The following CLEC2A variants were observed in gnomAD, a reference collection of about 807,000 sequenced individuals.
The protein encoded by CLEC2A is keratinocyte-associated C-type lectin.
In CLEC2A, 19 loss-of-function variants were observed where a neutral mutation model predicts 18.6. That is an observed-to-expected ratio of 1.02 (90% CI 0.71 to 1.50). CLEC2A has a LOEUF of 1.50. CLEC2A is among the 40% of genes most tolerant of loss of function. The probability of loss-of-function intolerance (pLI) is 0.00; values close to 1 mark genes in which losing one functional copy is unlikely to be tolerated. For synonymous variants in CLEC2A, 74 were observed against 64.0 expected (o/e 1.16, Z -0.75); for missense variants, 190 against 207.9 (o/e 0.91, Z 0.53).
chr12:9,932,337 C>T lies in CLEC2A; in HGVS notation c.-8G>A, dbSNP rs1311603993. On this transcript the variant is annotated 5_prime_UTR_variant, in exon 1 of 5. Transcript: ENST00000455827. ...CAGCTCTGGATTAATCATGGCAAGG[C>T]GCTAACCGATGGAGATCAGTAGGAG... 4.5e-6 allele frequency: 7 copies of T among 1,551,754 alleles called. No homozygotes were observed. Among genetic ancestry groups the T allele is most frequent in the East Asian group, 2.4e-5 (1 of 40,914 alleles).
chr12:9,906,246 T>C (rs1862906787), intron 4 of CLEC2A, among the ~76,000 whole-genome samples: 1 of 152,152 alleles, frequency 6.6e-6, no homozygotes. Flanking sequence ...GCTCATATTT[T>C]GATTAATTTT....
intron 1 of CLEC2A, among the ~76,000 whole-genome samples, chr12:9,930,835 G>T: frequency 6.6e-6 from 1 of 150,644 alleles, no homozygotes; most frequent in Non-Finnish European, 1.5e-5. Context: ...TTTTCTAACT[G>T]TTTTCTTTTC....
chr12:9,892,290 A>G, the CLEC2A span, among the ~76,000 whole-genome samples: 1 of 152,364 alleles, frequency 6.6e-6, no homozygotes, highest in East Asian at 1.9e-4. Flanking sequence ...GCACAGGAGA[A>G]TAAGTACCCA....
At chr12:9,887,374 TC>T in the CLEC2A span, among the ~76,000 whole-genome samples, 13 of 152,250 alleles carry the variant, frequency 8.5e-5, no homozygotes, top group East Asian at 1.4e-3. Context: ...TAATTAGTTT[TC>T]CCCCAAAGCA....
chr12:9,885,407 T>A, the CLEC2A span, among the ~76,000 whole-genome samples: 1 of 151,942 alleles, frequency 6.6e-6, no homozygotes, highest in East Asian at 1.9e-4. Flanking sequence ...CTTCCTGAAG[T>A]GGTACTTATA....
chr12:9,926,348 A>C lies in CLEC2A; in HGVS notation c.56-5T>G. ...AGTTTTGTATCAACTTGGGAACTGC[A>C]AATTAAATCAACACATATTTTACAA... On this transcript the variant is annotated splice_region_variant and splice_polypyrimidine_tract_variant and intron_variant, in intron 1 of 4. Transcript: ENST00000455827. 7.9e-7 allele frequency: 1 copy of C among 1,272,666 alleles called. No individual in the cohort carries two copies. Among genetic ancestry groups the C allele is most frequent in the Non-Finnish European group, 1.1e-6 (1 of 918,954 alleles). The allele number at this position is 1,272,666 out of a possible 1,614,324, so 78.8% of individuals were successfully genotyped here.
intron 4 of CLEC2A, among the ~76,000 whole-genome samples, chr12:9,902,855 G>T (rs1424216548): frequency 2.6e-5 from 4 of 152,128 alleles, no homozygotes; most frequent in Non-Finnish European, 4.4e-5. Context: ...GCTGGAGTTA[G>T]ACCACACAAC....
chr12:9,922,692 C>G (rs901272307), intron 2 of CLEC2A, among the ~76,000 whole-genome samples: 5 of 152,116 alleles, frequency 3.3e-5, no homozygotes, highest in African/African-American at 1.2e-4. Flanking sequence ...TTAGTGAAAC[C>G]TTTGTTTCAT....
chr12:9,907,964 G>A (rs1277812999), intron 4 of CLEC2A, among the ~76,000 whole-genome samples: 2 of 152,180 alleles, frequency 1.3e-5, no homozygotes, highest in African/African-American at 4.8e-5. Flanking sequence ...AAGTCATCTG[G>A]ACTAATTGGT....
chr12:9,927,027 G>T lies in CLEC2A; in HGVS notation c.56-684C>A, dbSNP rs74063399. ...GAAACAATCTAGGAAGAATGTGCGTGTATGTGTGTGTCTGTGTGTGTGTGT... is the reference window on the plus strand; with the variant it reads ...GAAACAATCTAGGAAGAATGTGCGTTTATGTGTGTGTCTGTGTGTGTGTGT... On this transcript the variant is annotated intron_variant, in intron 1 of 4. Coordinates refer to ENST00000455827, the MANE Select transcript of CLEC2A (RefSeq NM_001130711.2). 1.3e-3 allele frequency among the ~76,000 whole-genome samples: 205 copies of T among 152,056 alleles called. 1 individual carries two copies. The highest frequency in any genetic ancestry group is 4.0e-3 in the African/African-American group (167 of 41,352).
At chr12:9,883,599 T>C in the CLEC2A span, among the ~76,000 whole-genome samples, 1 of 152,246 alleles carries the variant, frequency 6.6e-6, no homozygotes, top group Non-Finnish European at 1.5e-5. Flanking sequence ...CCTTGATTGA[T>C]ATTTTCTCAT....
chr12:9,923,826 G>A (rs546449370), intron 2 of CLEC2A, among the ~76,000 whole-genome samples: 1 of 152,168 alleles, frequency 6.6e-6, no homozygotes, highest in Non-Finnish European at 1.5e-5. Flanking sequence ...ACTATGGCAA[G>A]GACAGAAAAC....
chr12:9,915,044 T>C (rs1242666904), intron 4 of CLEC2A, among the ~76,000 whole-genome samples: 3 of 151,766 alleles, frequency 2.0e-5, no homozygotes, highest in Non-Finnish European at 2.9e-5. Context: ...GCAAAGGATA[T>C]GAACAGACAA....
rs143110946 is a variant in CLEC2A, at chr12:9,901,073, A to T, written c.411-2097T>A. 6.7e-4 allele frequency among the ~76,000 whole-genome samples: 102 copies of T among 152,316 alleles called. 1 individual carries two copies. Among genetic ancestry groups the T allele is most frequent in the African/African-American group, 2.0e-3 (84 of 41,554 alleles). On this transcript the variant is annotated intron_variant, in intron 4 of 4. Coordinates refer to the CLEC2A transcript ENST00000339766. ...CCGTAAATAATTCAAAATAATGTTG[A>T]CTCTGCAAAACAAAACAAGGATCAA... is the stretch of plus-strand genomic sequence containing the variant.
At chr12:9,900,799 C>T (rs890846713) in intron 4 of CLEC2A, among the ~76,000 whole-genome samples, 1 of 152,082 alleles carries the variant, frequency 6.6e-6, no homozygotes, top group African/African-American at 2.4e-5. Context: ...CTCTGCAAGT[C>T]GAGATTGACT....
At chr12:9,923,071 G>T (rs1319502334) in intron 2 of CLEC2A, among the ~76,000 whole-genome samples, 3 of 152,164 alleles carry the variant, frequency 2.0e-5, no homozygotes, top group African/African-American at 7.2e-5. Flanking sequence ...AATCTGCAGA[G>T]TGTGCAGGTT....
At chr12:9,890,783 A>G in the CLEC2A span, among the ~76,000 whole-genome samples, 1 of 152,174 alleles carries the variant, frequency 6.6e-6, no homozygotes, top group Non-Finnish European at 1.5e-5. Flanking sequence ...ATTTCGTCAT[A>G]TTCACAGGTC....
At chr12:9,888,905 T>C in the CLEC2A span, 15 of 523,906 alleles carry the variant, frequency 2.9e-5, no homozygotes, top group Non-Finnish European at 5.1e-5. Context: ...GGTATGGGGC[T>C]GAAAAGGACA....
At chr12:9,927,684 G>A (rs909693601) in intron 1 of CLEC2A, among the ~76,000 whole-genome samples, 9 of 152,126 alleles carry the variant, frequency 5.9e-5, no homozygotes, top group Non-Finnish European at 4.4e-5. Context: ...CCAGACTACA[G>A]ATAATGTGCA....
Sources: gnomAD v4.1 joint callset for allele counts (sites outside exome capture counted in the v4.1 genomes callset) on GRCh38, gnomAD v4.1.1 for gene constraint, MANE v1.5 for transcripts, NCBI Gene and HGNC (gene_info 2026-07-23, HGNC 2026-07-21) for gene names.